Variants in LRRC8B observed in about 807,000 individuals in gnomAD.
LRRC8B encodes the protein volume-regulated anion channel subunit LRRC8B.
Under a neutral mutation model 58.8 loss-of-function variants are expected in LRRC8B, and 23 were observed. The observed-to-expected ratio is 0.39, with a 90% CI of 0.28 to 0.55. The LOEUF (loss-of-function observed/expected upper bound fraction) is 0.55, where lower values mean the gene tolerates loss of function less well. Among genes scored for constraint, LRRC8B ranks in the 20% least tolerant of loss-of-function variants. The pLI is 0.62. For synonymous variants in LRRC8B, 359 were observed against 374.1 expected, an observed-to-expected ratio of 0.96 and a Z score of 0.47; for missense variants, 694 against 936.0, an observed-to-expected ratio of 0.74 and a Z score of 3.37.
chr1:89,570,683 A>T (rs1173088514), intron 3 of LRRC8B, among the ~76,000 whole-genome samples: 1 of 152,186 alleles, frequency 6.6e-6, no homozygotes, highest in Non-Finnish European at 1.5e-5. Context: ...CTCTGTTGAT[A>T]GCTTCTTTTG....
At chr1:89,591,510 C>T (rs1246907261) in intron 5 of LRRC8B, among the ~76,000 whole-genome samples, 2 of 152,060 alleles carry the variant, frequency 1.3e-5, no homozygotes, top group East Asian at 3.8e-4. Flanking sequence ...CAATGATGAT[C>T]TATATGGAAT....
rs1450383174 is a variant in LRRC8B at position 89,579,662 on chromosome 1, T to G, written c.-53T>G. On this transcript the variant is annotated 5_prime_UTR_variant, in exon 4 of 6. The change creates a new upstream start codon in the 5' untranslated region. Coordinates refer to ENST00000330947, the MANE Select transcript of LRRC8B (RefSeq NM_001369817.2). ...TGTAGACCTCCTGACTGAAGCATAT[T>G]GGATTTATTTAATTTTTTTCACTGT... is the stretch of plus-strand genomic sequence containing the variant. 1.3e-5 allele frequency: 2 copies of G among 152,378 alleles called. No homozygotes were observed. The highest frequency in any genetic ancestry group is 4.8e-5 in the African/African-American group (2 of 41,350). The allele number at this position is 152,378 out of a possible 1,614,324, so 9.4% of individuals were successfully genotyped here. A position where few individuals can be genotyped will look rare whatever the true frequency, so the allele number is the denominator to read the frequency against.
At chr1:89,529,104 G>A (rs775084497) in intron 1 of LRRC8B, among the ~76,000 whole-genome samples, 8 of 152,110 alleles carry the variant, frequency 5.3e-5, no homozygotes, top group Admixed American at 2.0e-4. Flanking sequence ...GACTAGTATT[G>A]TCTTTCTCAC....
chr1:89,533,128 A>G (rs1570552620), intron 1 of LRRC8B, among the ~76,000 whole-genome samples: 1 of 152,234 alleles, frequency 6.6e-6, no homozygotes, highest in Non-Finnish European at 1.5e-5. Context: ...AGCATAGTCT[A>G]TCTGCCAGCA....
intron 1 of LRRC8B, among the ~76,000 whole-genome samples, chr1:89,559,216 G>A (rs1448931265): frequency 2.6e-5 from 4 of 152,240 alleles, no homozygotes; most frequent in Non-Finnish European, 2.9e-5. Flanking sequence ...TAAGCATAAT[G>A]CTCAGGATGT....
At chr1:89,537,204 C>T (rs916494237) in intron 1 of LRRC8B, among the ~76,000 whole-genome samples, 4 of 152,156 alleles carry the variant, frequency 2.6e-5, no homozygotes, top group African/African-American at 7.2e-5. Context: ...TGTGGCACTA[C>T]GATCATGCTA....
chr1:89,586,038 A>G (rs1169531087), intron 5 of LRRC8B, among the ~76,000 whole-genome samples: 1 of 152,176 alleles, frequency 6.6e-6, no homozygotes, highest in Non-Finnish European at 1.5e-5. Context: ...ATGTAAAAGG[A>G]GAGAGTCCAT....
intron 1 of LRRC8B, among the ~76,000 whole-genome samples, chr1:89,525,623 T>C (rs1192843968): frequency 1.3e-5 from 2 of 152,180 alleles, no homozygotes; most frequent in African/African-American, 4.8e-5. Flanking sequence ...AGAAGAAGAC[T>C]CAAGAGTTTC....
At chr1:89,589,347 A>G (rs766756051) in intron 5 of LRRC8B, among the ~76,000 whole-genome samples, 1 of 152,198 alleles carries the variant, frequency 6.6e-6, no homozygotes, top group African/African-American at 2.4e-5. Flanking sequence ...GTGATTCCAC[A>G]TGGGGTACAG....
chr1:89,587,017 CA>C (rs1654673730), intron 5 of LRRC8B, among the ~76,000 whole-genome samples: 1 of 152,120 alleles, frequency 6.6e-6, no homozygotes, highest in Non-Finnish European at 1.5e-5. Flanking sequence ...ACATGGAGAA[CA>C]AAACTTGCTG....
chr1:89,544,732 A>G (rs1651273717), intron 1 of LRRC8B, among the ~76,000 whole-genome samples: 1 of 152,128 alleles, frequency 6.6e-6, no homozygotes, highest in Non-Finnish European at 1.5e-5. Context: ...CCTCTTTTCT[A>G]CTGGAGGAAG....
chr1:89,535,458 G>A (rs1650459571), intron 1 of LRRC8B, among the ~76,000 whole-genome samples: 1 of 152,192 alleles, frequency 6.6e-6, no homozygotes, highest in Non-Finnish European at 1.5e-5. Context: ...GAAGGATGCA[G>A]TGAGTTACGA....
intron 2 of LRRC8B, 31 bp downstream of exon 2, chr1:89,568,338 T>G (rs895930757): frequency 6.6e-6 from 1 of 152,186 alleles, no homozygotes; most frequent in African/African-American, 2.4e-5. Context: ...TTCATAAAAT[T>G]ATTACATATG....
Position 89,582,826 on chromosome 1 carries a change from A to G in LRRC8B, c.176A>G (p.Lys59Arg), listed in dbSNP as rs746412402. 7.4e-6 allele frequency: 12 copies of G among 1,614,040 alleles called. No homozygotes were observed. The highest frequency in any genetic ancestry group is 2.7e-5 in the African/African-American group (2 of 74,912). ...AGGGTTCTGTGCTGTCTTCCATGCA[A>G]AGTGGAATTTGACAATCACTGTGCC... is the stretch of plus-strand genomic sequence containing the variant. ...QSRVLCCLPC[K>R]VEFDNHCAVP... Residue 59 changes from lysine (K) to arginine (R), a missense_variant, in exon 5 of 6, where the codon AAA (lysine) becomes AGA (arginine). Physicochemically the swap from Lys to Arg is conservative, Grantham distance 26 (BLOSUM62 2). Transcript: ENST00000330947.
intron 3 of LRRC8B, among the ~76,000 whole-genome samples, chr1:89,571,883 T>C (rs879233358): frequency 7.2e-5 from 11 of 152,154 alleles, no homozygotes; most frequent in Admixed American, 1.3e-4. Context: ...GTATATTCTG[T>C]TGTTTTGGTT....
At chr1:89,540,686 A>G (rs948618159) in intron 1 of LRRC8B, among the ~76,000 whole-genome samples, 40 of 152,196 alleles carry the variant, frequency 2.6e-4, no homozygotes, top group African/African-American at 9.4e-4. Flanking sequence ...AGGAGCCCCA[A>G]GGAAGGTTTT....
chr1:89,597,367 AAAAC>A lies in LRRC8B; in HGVS notation c.*4327_*4330del, dbSNP rs1655346596. ...CTTGTATAATACACTACTGCTGAGA[AAAAC>A]AATTATGAATGCCTTCTGCATGTTG... is the stretch of plus-strand genomic sequence containing the variant. On this transcript the variant is annotated 3_prime_UTR_variant, in exon 6 of 6. Transcript: ENST00000330947. The A allele has an allele frequency of 2.0e-5, 3 of 152,250 alleles. No individual in the cohort carries two copies. The highest frequency in any genetic ancestry group is 2.9e-5 in the Non-Finnish European group (2 of 68,042). The allele number at this position is 152,250 out of a possible 1,614,324, so 9.4% of individuals were successfully genotyped here. A position where few individuals can be genotyped will look rare whatever the true frequency, so the allele number is the denominator to read the frequency against.
chr1:89,596,774 C>T lies in LRRC8B; in HGVS notation c.*3731C>T, dbSNP rs1655327721. 1 of 152,090 alleles carries T rather than the reference C, an allele frequency of 6.6e-6. No individual in the cohort carries two copies. The highest frequency in any genetic ancestry group is 1.5e-5 in the Non-Finnish European group (1 of 67,996). 9.4% of individuals were successfully genotyped at this position (152,090 alleles called of 1,614,324 possible). A position where few individuals can be genotyped will look rare whatever the true frequency, so the allele number is the denominator to read the frequency against. ...CAGAAGATTTGCAATGATATTTGAGCATGTATTTATTTAGGAGGAAGCCAG... is the reference window on the plus strand; with the variant it reads ...CAGAAGATTTGCAATGATATTTGAGTATGTATTTATTTAGGAGGAAGCCAG... On this transcript the variant is annotated 3_prime_UTR_variant, in exon 6 of 6. Coordinates refer to ENST00000330947, the MANE Select transcript of LRRC8B (RefSeq NM_001369817.2).
At chr1:89,585,693 C>T (rs1451072611) in intron 5 of LRRC8B, among the ~76,000 whole-genome samples, 1 of 151,992 alleles carries the variant, frequency 6.6e-6, no homozygotes, top group Non-Finnish European at 1.5e-5. Flanking sequence ...CCTGAAGTCC[C>T]AGCTACTCAG....
Sources: gnomAD v4.1 joint callset for allele counts (sites outside exome capture counted in the v4.1 genomes callset) on GRCh38, gnomAD v4.1.1 for gene constraint, MANE v1.5 for transcripts, NCBI Gene and HGNC (gene_info 2026-07-23, HGNC 2026-07-21) for gene names.